CEP192: variants seen among roughly 807,000 people sequenced by gnomAD.
CEP192 encodes the protein centrosomal protein 192.
Under a neutral mutation model 271.8 loss-of-function variants are expected in CEP192, and 151 were observed. That is an observed-to-expected ratio of 0.56 (90% CI 0.49 to 0.64). The LOEUF is 0.64. Among genes scored for constraint, CEP192 ranks in the 30% least tolerant of loss-of-function variants. The pLI is 0.00. For synonymous variants in CEP192, 995 were observed against 1,076.5 expected, an observed-to-expected ratio of 0.92 and a Z score of 1.48; for missense variants, 2,910 against 3,020.5, an observed-to-expected ratio of 0.96 and a Z score of 0.86.
intron 30 of CEP192, among the ~76,000 whole-genome samples, chr18:13,080,765 G>T (rs1471692067): frequency 1.3e-5 from 2 of 152,122 alleles, no homozygotes; most frequent in Non-Finnish European, 1.5e-5. Context: ...TATGATATTG[G>T]CTGTGGGTTT....
Position 13,082,185 on chromosome 18 carries a change from G to T in CEP192, c.5617-4832G>T, listed in dbSNP as rs111593994. ...TGTTAACCTTCTGCCTTGTTGATGT[G>T]TCTAATATTGACAGTGGGGTGTTAA... On this transcript the variant is annotated intron_variant, in intron 30 of 44. Coordinates refer to ENST00000506447, the MANE Select transcript of CEP192 (RefSeq NM_032142.4). 1.4e-3 allele frequency among the ~76,000 whole-genome samples: 219 copies of T among 152,244 alleles called. 1 individual carries two copies. In the Middle Eastern group the frequency reaches 0.02, roughly 14 times the overall value.
intron 44 of CEP192, among the ~76,000 whole-genome samples, chr18:13,122,291 G>T (rs1000577008): frequency 1.3e-5 from 2 of 152,226 alleles, no homozygotes; most frequent in Admixed American, 1.3e-4. Flanking sequence ...GCAAGGTGGC[G>T]CATGTCTGTA....
chr18:13,018,967 T>C (rs936065428), intron 8 of CEP192, 115 bp from the exon 9 acceptor site: 12 of 985,030 alleles, frequency 1.2e-5, no homozygotes, highest in African/African-American at 6.9e-5. Flanking sequence ...AAATTTGTCA[T>C]AGGAGTGCTA....
intron 1 of CEP192, among the ~76,000 whole-genome samples, chr18:12,995,053 ATTTTTTTTT>A (rs139962686): frequency 1.1e-5 from 1 of 88,250 alleles, no homozygotes; most frequent in South Asian, 3.9e-4. Flanking sequence ...CATGGGAGGA[ATTTTTTTTT>A]TTTTTTTTTT....
At chr18:13,039,144 G>A (rs1426153824) in intron 13 of CEP192, among the ~76,000 whole-genome samples, 2 of 152,140 alleles carry the variant, frequency 1.3e-5, no homozygotes, top group Non-Finnish European at 2.9e-5. Flanking sequence ...ACATTGAGTT[G>A]GCATCTCAGT....
rs937628822 is a variant in CEP192, at chr18:13,038,416, C to T, written c.1646C>T (p.Thr549Met). 2.6e-6 allele frequency: 4 copies of T among 1,551,596 alleles called. No homozygotes were observed. Reference sequence around the variant, plus strand: ...AATACTTCGGTTGCACTGGGCGATACGTCCTGGGGAGCTACAATTAATTAC... The same window carrying T: ...AATACTTCGGTTGCACTGGGCGATATGTCCTGGGGAGCTACAATTAATTAC... ...AHNTSVALGD[T>M]SWGATINYSL... The change falls in exon 13 of 45, where the codon ACG becomes ATG. Residue 549 changes from threonine (T) to methionine (M), a missense_variant. Coordinates refer to ENST00000506447, the MANE Select transcript of CEP192 (RefSeq NM_032142.4).
chr18:13,011,640 G>A (rs776621403), intron 4 of CEP192, among the ~76,000 whole-genome samples: 1 of 151,900 alleles, frequency 6.6e-6, no homozygotes, highest in African/African-American at 2.4e-5. Flanking sequence ...CCTCAGCCTC[G>A]CAAGTAGCTG....
At chr18:13,118,019 T>C (rs2145129899) in intron 44 of CEP192, among the ~76,000 whole-genome samples, 1 of 152,356 alleles carries the variant, frequency 6.6e-6, no homozygotes, top group South Asian at 2.1e-4. Context: ...TTTCATTAAC[T>C]GGGACAAAAA....
At position 13,098,935 on chromosome 18, in the gene CEP192, C is replaced by T. The variant is rs567823106; in HGVS notation, c.6558-541C>T. Among the ~76,000 whole-genome samples the T allele has an allele frequency of 4.6e-5, 7 of 152,282 alleles. No homozygotes were observed. In the East Asian group the frequency reaches 7.7e-4, roughly 17 times the overall value. On this transcript the variant is annotated intron_variant, in intron 36 of 44. Coordinates refer to ENST00000506447, the MANE Select transcript of CEP192 (RefSeq NM_032142.4). Reference sequence around the variant, plus strand: ...GACTCCGTCTACAATCCCGGCACCTCGGGAGGCTGAGGCTGGCAGATCACT... The same window carrying T: ...GACTCCGTCTACAATCCCGGCACCTTGGGAGGCTGAGGCTGGCAGATCACT...
rs151214883 is a variant in CEP192 at position 13,004,329 on chromosome 18, G to A, written c.290+2747G>A. Among the ~76,000 whole-genome samples the A allele has an allele frequency of 5.9e-3, 903 of 152,020 alleles. 9 individuals are homozygous for A. The highest frequency in any genetic ancestry group is 0.021 in the African/African-American group (868 of 41,420). On this transcript the variant is annotated intron_variant, in intron 3 of 44. Transcript: ENST00000506447. ...TTTTTTTGTGGTGGGAGAAGTTGCT[G>A]CATGTTTGCGTGATAATAGGAATAA...
intron 11 of CEP192, among the ~76,000 whole-genome samples, chr18:13,036,893 C>G (rs1249896834): frequency 1.3e-5 from 2 of 152,204 alleles, no homozygotes; most frequent in Non-Finnish European, 2.9e-5. Context: ...TCTGATGACT[C>G]CTGATGAAAT....
At chr18:13,061,105 C>T (rs900800888) in intron 21 of CEP192, among the ~76,000 whole-genome samples, 2 of 152,064 alleles carry the variant, frequency 1.3e-5, no homozygotes, top group Admixed American at 1.3e-4. Flanking sequence ...GGCAGATCAC[C>T]TGAGGTCAGG....
At chr18:13,008,997 C>G (rs1257166640) in intron 4 of CEP192, among the ~76,000 whole-genome samples, 1 of 149,222 alleles carries the variant, frequency 6.7e-6, no homozygotes, top group Non-Finnish European at 1.5e-5. Flanking sequence ...GCCTAAGCCA[C>G]TGTGCCTGGC....
At chr18:13,111,484 G>A (rs1220864292) in intron 40 of CEP192, among the ~76,000 whole-genome samples, 3 of 152,042 alleles carry the variant, frequency 2.0e-5, no homozygotes, top group Non-Finnish European at 2.9e-5. Context: ...GAGATTCACC[G>A]AAAATCAACC....
chr18:13,029,927 A>G lies in CEP192; in HGVS notation c.1315A>G (p.Thr439Ala). ...CATTAGTGACAGTGGAATTAATTTCACTGATGCCATTTGGTCACCAACTTG... is the reference window on the plus strand; with the variant it reads ...CATTAGTGACAGTGGAATTAATTTCGCTGATGCCATTTGGTCACCAACTTG... Reference protein sequence around the residue: ...KPISDSGINFTDAIWSPTCER... With the variant: ...KPISDSGINFADAIWSPTCER... The change falls in exon 10 of 45, where the codon ACT (threonine) becomes GCT (alanine). Residue 439 changes from threonine (T) to alanine (A), a missense_variant. Coordinates refer to ENST00000506447, the MANE Select transcript of CEP192 (RefSeq NM_032142.4). 1 of 1,551,686 alleles carries G rather than the reference A, an allele frequency of 6.4e-7. No individual in the cohort carries two copies.
chr18:13,103,093 A>G (rs896763836), intron 38 of CEP192, among the ~76,000 whole-genome samples: 3 of 152,182 alleles, frequency 2.0e-5, no homozygotes, highest in Non-Finnish European at 4.4e-5. Context: ...GAGGCCACAC[A>G]TGCGCATGTC....
intron 44 of CEP192, among the ~76,000 whole-genome samples, chr18:13,123,017 T>C (rs1338865330): frequency 6.6e-6 from 1 of 152,250 alleles, no homozygotes; most frequent in African/African-American, 2.4e-5. Context: ...GCAGATGATA[T>C]ATTTTTAATC....
chr18:13,087,222 C>CT lies in CEP192; in HGVS notation c.5823dup (p.Lys1942Ter). On this transcript the variant is annotated frameshift_variant, in exon 31 of 45. Transcript: ENST00000506447. LOFTEE classifies it high-confidence loss of function. ...TCTCAGAAAAAAGTTTTGCTGGATC[C>CT]TAAAGTATTGAGGATTTTTCCAGAT... 6.2e-7 allele frequency: 1 copy of CT among 1,613,054 alleles called. No individual in the cohort carries two copies. Among genetic ancestry groups the CT allele is most frequent in the South Asian group, 1.1e-5 (1 of 91,022 alleles).
chr18:13,122,566 G>C (rs1259472931), intron 44 of CEP192, among the ~76,000 whole-genome samples: 1 of 143,336 alleles, frequency 7.0e-6, no homozygotes, highest in Non-Finnish European at 1.5e-5. Flanking sequence ...GGGCGACAGA[G>C]CGAGAATCCG....
Sources: allele counts gnomAD v4.1 joint callset (sites outside exome capture counted in the v4.1 genomes callset), GRCh38; gene constraint gnomAD v4.1.1; transcripts MANE v1.5; gene names NCBI Gene and HGNC (gene_info 2026-07-23, HGNC 2026-07-21).